The following PTN variants were observed in gnomAD, a reference collection of about 807,000 sequenced individuals.
PTN encodes heparin affin regulatory protein.
PTN carries 18 observed loss-of-function variants against 24.1 expected under a neutral mutation model. The ratio of observed to expected loss-of-function variants is 0.75; its 90% confidence interval spans 0.52 to 1.11. The LOEUF (loss-of-function observed/expected upper bound fraction) is 1.11, where lower values mean the gene tolerates loss of function less well. PTN is among the 50% of genes least tolerant of loss of function. The pLI is 0.00. For missense variants in PTN, 163 were observed against 198.8 expected (o/e 0.82, Z 1.08); for synonymous variants, 78 against 68.6 (o/e 1.14, Z -0.67).
intron 1 of PTN, among the ~76,000 whole-genome samples, chr7:137,313,066 T>C (rs1387519404): frequency 1.2e-4 from 3 of 25,326 alleles, no homozygotes; most frequent in Non-Finnish European, 3.0e-4. Context: ...TCCTTTATCT[T>C]CCTTCTCGTT....
chr7:137,268,860 C>T (rs781631790), intron 1 of PTN, among the ~76,000 whole-genome samples: 1 of 152,182 alleles, frequency 6.6e-6, no homozygotes, highest in Non-Finnish European at 1.5e-5. Flanking sequence ...CCCCTTAATT[C>T]TTTCCTAGTT....
intron 1 of PTN, among the ~76,000 whole-genome samples, chr7:137,278,263 C>T (rs1391385637): frequency 2.9e-5 from 4 of 136,434 alleles, no homozygotes; most frequent in Non-Finnish European, 4.6e-5. Flanking sequence ...GCCGAGATCG[C>T]GCCACTGCAC....
intron 1 of PTN, among the ~76,000 whole-genome samples, chr7:137,322,953 C>A (rs935213164): frequency 1.6e-4 from 24 of 152,216 alleles, no homozygotes; most frequent in African/African-American, 5.8e-4. Context: ...TTACTAAGTG[C>A]CTTTGGCCAC....
intron 1 of PTN, among the ~76,000 whole-genome samples, chr7:137,333,002 A>T (rs1380159067): frequency 1.3e-5 from 2 of 152,166 alleles, no homozygotes; most frequent in African/African-American, 4.8e-5. Flanking sequence ...TTGAAATTTG[A>T]TTTCCCAGTG....
intron 1 of PTN, among the ~76,000 whole-genome samples, chr7:137,330,814 T>C (rs890345383): frequency 6.6e-6 from 1 of 152,130 alleles, no homozygotes; most frequent in Non-Finnish European, 1.5e-5. Flanking sequence ...GGGACTTTTA[T>C]GGCAAGAGGC....
chr7:137,228,100 G>T, intron 4 of PTN, 25 bp from the exon 5 acceptor site: 1 of 1,359,178 alleles, frequency 7.4e-7, no homozygotes. Flanking sequence ...AAGAGAGACA[G>T]AAAGAGAGAA....
intron 1 of PTN, among the ~76,000 whole-genome samples, chr7:137,323,047 T>C: frequency 6.6e-6 from 1 of 152,234 alleles, no homozygotes; most frequent in South Asian, 2.1e-4. Flanking sequence ...TTGACTTGAG[T>C]TTCACTTCCA....
At chr7:137,311,215 G>T (rs322341) in intron 1 of PTN, among the ~76,000 whole-genome samples, 49,732 of 140,434 alleles carry the variant, frequency 0.35, 9,778 homozygotes, top group Admixed American at 0.56. Flanking sequence ...CTGGGTGACA[G>T]AGGGAGACTC....
Position 137,272,275 on chromosome 7 carries a change from GATCT to G in PTN, c.-1-17305_-1-17302del, listed in dbSNP as rs757198136. On this transcript the variant is annotated intron_variant, in intron 1 of 4. Transcript: ENST00000348225. ...GTCTGTCTTTTCCACTCCTGCACCCGATCTATCTATCTTTAGCCAGAAAGAAGTA... is the reference window on the plus strand; with the variant it reads ...GTCTGTCTTTTCCACTCCTGCACCCGATCTATCTTTAGCCAGAAAGAAGTA... Among the ~76,000 whole-genome samples the G allele has an allele frequency of 2.0e-5, 3 of 152,218 alleles. No homozygotes were observed. In the South Asian group the frequency reaches 6.2e-4, roughly 32 times the overall value.
intron 1 of PTN, among the ~76,000 whole-genome samples, chr7:137,339,202 T>G (rs963147134): frequency 1.7e-4 from 26 of 152,118 alleles, no homozygotes; most frequent in African/African-American, 5.6e-4. Flanking sequence ...ATAATGGATT[T>G]TAATTGAGAT....
chr7:137,270,658 A>G (rs1238971712), intron 1 of PTN, among the ~76,000 whole-genome samples: 1 of 152,226 alleles, frequency 6.6e-6, no homozygotes, highest in Non-Finnish European at 1.5e-5. Flanking sequence ...GGCAATAAAA[A>G]TAAGGAGTTG....
At chr7:137,308,192 A>G (rs548599786) in intron 1 of PTN, among the ~76,000 whole-genome samples, 1 of 152,250 alleles carries the variant, frequency 6.6e-6, no homozygotes, top group South Asian at 2.1e-4. Context: ...ATCTTTTTAA[A>G]TTTTATGCCC....
intron 1 of PTN, among the ~76,000 whole-genome samples, chr7:137,342,273 C>T (rs964178652): frequency 1.3e-5 from 2 of 152,044 alleles, no homozygotes; most frequent in African/African-American, 4.8e-5. Context: ...TCCTCCCAGA[C>T]CCCTCTCTCT....
At chr7:137,322,670 A>G (rs1206400198) in intron 1 of PTN, among the ~76,000 whole-genome samples, 1 of 152,216 alleles carries the variant, frequency 6.6e-6, no homozygotes, top group Non-Finnish European at 1.5e-5. Context: ...TTTGCAAAGT[A>G]TTTATCAAGA....
intron 4 of PTN, among the ~76,000 whole-genome samples, chr7:137,246,925 T>C (rs1448624435): frequency 1.3e-5 from 2 of 152,156 alleles, no homozygotes; most frequent in Non-Finnish European, 2.9e-5. Context: ...AGCCTATGCT[T>C]TTTCATATAT....
intron 1 of PTN, among the ~76,000 whole-genome samples, chr7:137,258,609 T>C (rs2128872122): frequency 6.6e-6 from 1 of 152,292 alleles, no homozygotes; most frequent in Non-Finnish European, 1.5e-5. Flanking sequence ...AAAAATGCAA[T>C]GATTAAATTT....
intron 1 of PTN, among the ~76,000 whole-genome samples, chr7:137,269,510 G>A (rs762569361): frequency 2.6e-5 from 4 of 151,656 alleles, no homozygotes; most frequent in Non-Finnish European, 5.9e-5. Context: ...GTTACTAGTG[G>A]TTTGCTCCCG....
chr7:137,286,150 T>A (rs1193587725), intron 1 of PTN, among the ~76,000 whole-genome samples: 2 of 152,236 alleles, frequency 1.3e-5, no homozygotes, highest in African/African-American at 4.8e-5. Context: ...CAGTTTACCC[T>A]AATAGAAGCA....
chr7:137,252,727 T>C (rs1314982555), intron 3 of PTN, among the ~76,000 whole-genome samples: 2 of 151,870 alleles, frequency 1.3e-5, no homozygotes, highest in African/African-American at 2.4e-5. Context: ...TGTCCCACTA[T>C]GGCTAAGAAA....
Sources: gnomAD v4.1 joint callset for allele counts (sites outside exome capture counted in the v4.1 genomes callset) on GRCh38, gnomAD v4.1.1 for gene constraint, MANE v1.5 for transcripts, NCBI Gene and HGNC (gene_info 2026-07-23, HGNC 2026-07-21) for gene names.